The following GMDS variants were observed in gnomAD, a reference collection of about 807,000 sequenced individuals.
GMDS encodes GDP-mannose 4,6-dehydratase, also known as GDP-mannose 4,6 dehydratase.
In GMDS, 20 loss-of-function variants were observed where a neutral mutation model predicts 49.9. That is an observed-to-expected ratio of 0.40 (90% CI 0.28 to 0.58). The LOEUF (loss-of-function observed/expected upper bound fraction) is 0.58. Ranked by LOEUF, GMDS falls within the 20% of genes least tolerant of loss-of-function variation. The pLI is 0.42. For synonymous variants in GMDS, 177 were observed against 178.6 expected (o/e 0.99, Z 0.07); for missense variants, 362 against 481.4 (o/e 0.75, Z 2.32).
At chr6:1,939,326 T>A (rs1348308018) in intron 6 of GMDS, among the ~76,000 whole-genome samples, 1 of 151,840 alleles carries the variant, frequency 6.6e-6, no homozygotes, top group African/African-American at 2.4e-5. Context: ...AAATGACGGC[T>A]TCCTCCTGAG....
At chr6:2,034,961 A>G (rs1769204302) in intron 4 of GMDS, among the ~76,000 whole-genome samples, 3 of 152,148 alleles carry the variant, frequency 2.0e-5, no homozygotes. Flanking sequence ...GTTGGGGGGA[A>G]AAAGAAGAAG....
At chr6:1,638,107 A>G (rs1036642425) in intron 9 of GMDS, among the ~76,000 whole-genome samples, 1 of 152,200 alleles carries the variant, frequency 6.6e-6, no homozygotes, top group African/African-American at 2.4e-5. Flanking sequence ...GACAGAAGAG[A>G]GAGAATGTGC....
chr6:1,885,934 C>A (rs2113831864), intron 7 of GMDS, among the ~76,000 whole-genome samples: 1 of 152,280 alleles, frequency 6.6e-6, no homozygotes, highest in East Asian at 1.9e-4. Flanking sequence ...GGTTCCCAGA[C>A]CGCTCTGATT....
intron 1 of GMDS, among the ~76,000 whole-genome samples, chr6:2,198,173 G>A (rs1581783399): frequency 1.3e-5 from 2 of 152,180 alleles, no homozygotes. Context: ...GAAAAGTAAC[G>A]AAGAATGCAG....
At chr6:2,037,124 C>A (rs1209471400) in intron 4 of GMDS, among the ~76,000 whole-genome samples, 1 of 152,112 alleles carries the variant, frequency 6.6e-6, no homozygotes, top group Non-Finnish European at 1.5e-5. Context: ...GTCAGGCAAA[C>A]TGTCTGGGTA....
intron 4 of GMDS, among the ~76,000 whole-genome samples, chr6:2,005,926 C>T (rs1330547338): frequency 6.6e-6 from 1 of 152,158 alleles, no homozygotes; most frequent in East Asian, 1.9e-4. Context: ...ACCCTTGACA[C>T]TTGGTGTTCC....
intron 4 of GMDS, among the ~76,000 whole-genome samples, chr6:2,096,729 A>G (rs1460350258): frequency 6.6e-6 from 1 of 152,158 alleles, no homozygotes; most frequent in South Asian, 2.1e-4. Context: ...GTCAGTGAAA[A>G]CCTATTTGAC....
chr6:2,128,081 C>T (rs191427900), intron 1 of GMDS, among the ~76,000 whole-genome samples: 40 of 152,116 alleles, frequency 2.6e-4, no homozygotes, highest in Admixed American at 7.8e-4. Flanking sequence ...TAATTTTACA[C>T]GTGGGCTATT....
chr6:2,004,950 C>T (rs1461025815), intron 4 of GMDS, among the ~76,000 whole-genome samples: 1 of 152,148 alleles, frequency 6.6e-6, no homozygotes, highest in Non-Finnish European at 1.5e-5. Flanking sequence ...AAATCTTACA[C>T]AGTATCAATC....
intron 7 of GMDS, among the ~76,000 whole-genome samples, chr6:1,818,508 T>G (rs932302378): frequency 1.3e-5 from 2 of 149,792 alleles, no homozygotes; most frequent in African/African-American, 4.9e-5. Context: ...CTCGGGAGGC[T>G]GAGGCAGGAG....
chr6:2,124,033 T>C (rs1348517304), intron 2 of GMDS, among the ~76,000 whole-genome samples: 1 of 146,764 alleles, frequency 6.8e-6, no homozygotes, highest in African/African-American at 2.7e-5. Flanking sequence ...TACGGGCCAC[T>C]GTAAAGGTTT....
intron 8 of GMDS, among the ~76,000 whole-genome samples, chr6:1,728,322 A>G (rs1766664689): frequency 1.3e-5 from 2 of 152,372 alleles, no homozygotes; most frequent in South Asian, 2.1e-4. Context: ...AGATGAAAGT[A>G]TATTTGTATT....
intron 1 of GMDS, among the ~76,000 whole-genome samples, chr6:2,200,581 G>A (rs1037105858): frequency 1.4e-5 from 2 of 147,338 alleles, no homozygotes; most frequent in Admixed American, 6.8e-5. Flanking sequence ...ATGGACATCC[G>A]AGATGTAACC....
chr6:2,015,733 C>T (rs1767848195), intron 4 of GMDS, among the ~76,000 whole-genome samples: 1 of 152,120 alleles, frequency 6.6e-6, no homozygotes, highest in Non-Finnish European at 1.5e-5. Context: ...TGAATTGGAA[C>T]ACACGTTTGT....
At chr6:2,217,311 T>C (rs1244578201) in intron 1 of GMDS, among the ~76,000 whole-genome samples, 2 of 152,178 alleles carry the variant, frequency 1.3e-5, no homozygotes, top group Admixed American at 6.5e-5. Flanking sequence ...CCAGTTCTAT[T>C]ACCAGGACAC....
intron 7 of GMDS, among the ~76,000 whole-genome samples, chr6:1,822,427 G>T (rs1158909524): frequency 6.6e-6 from 1 of 152,122 alleles, no homozygotes; most frequent in Non-Finnish European, 1.5e-5. Flanking sequence ...AAGTGAGTTT[G>T]TTAGGATGAA....
chr6:2,202,911 G>T (rs1779616194), intron 1 of GMDS, among the ~76,000 whole-genome samples: 2 of 152,164 alleles, frequency 1.3e-5, no homozygotes, highest in Admixed American at 6.5e-5. Flanking sequence ...ACTTGACAGG[G>T]TCTGCAGAAA....
At chr6:2,185,056 G>A (rs1778717822) in intron 1 of GMDS, among the ~76,000 whole-genome samples, 1 of 152,206 alleles carries the variant, frequency 6.6e-6, no homozygotes, top group Non-Finnish European at 1.5e-5. Context: ...TGGAGGCCCA[G>A]GGAGGATAGG....
intron 1 of GMDS, among the ~76,000 whole-genome samples, chr6:2,139,733 T>G (rs1347272205): frequency 2.0e-5 from 3 of 152,182 alleles, no homozygotes; most frequent in Non-Finnish European, 4.4e-5. Flanking sequence ...GAGACTCTTA[T>G]CCACTATTCC....
Sources: allele counts gnomAD v4.1 joint callset (sites outside exome capture counted in the v4.1 genomes callset), GRCh38; gene constraint gnomAD v4.1.1; transcripts MANE v1.5; gene names NCBI Gene and HGNC (gene_info 2026-07-23, HGNC 2026-07-21).